The following GRM7 variants were observed in gnomAD, a reference collection of about 807,000 sequenced individuals.
GRM7 encodes metabotropic glutamate receptor 7.
Under a neutral mutation model 84.5 loss-of-function variants are expected in GRM7, and 35 were observed. The ratio of observed to expected loss-of-function variants is 0.41; its 90% CI spans 0.32 to 0.55. The LOEUF is 0.55. GRM7 is among the 20% of genes least tolerant of loss of function. The pLI is 0.19. For missense variants in GRM7, 1,003 were observed against 1,194.6 expected (o/e 0.84, Z 2.36); for synonymous variants, 487 against 455.1 (o/e 1.07, Z -0.89).
intron 7 of GRM7, chr3:7,535,239 G>A (rs1478072779): frequency 2.6e-5 from 4 of 151,634 alleles, no homozygotes; most frequent in African/African-American, 9.7e-5. Context: ...CTGACTTACA[G>A]GACCCACCTG....
chr3:7,600,125 A>C (rs1023527724), intron 8 of GRM7, among the ~76,000 whole-genome samples: 4 of 152,116 alleles, frequency 2.6e-5, no homozygotes, highest in Non-Finnish European at 5.9e-5. Context: ...AAATTGTTCA[A>C]AAGGCACACA....
chr3:7,134,640 G>A (rs1693715464), intron 1 of GRM7, among the ~76,000 whole-genome samples: 1 of 152,140 alleles, frequency 6.6e-6, no homozygotes, highest in Non-Finnish European at 1.5e-5. Flanking sequence ...ACTTGGACCA[G>A]CATCTGGATT....
intron 4 of GRM7, among the ~76,000 whole-genome samples, chr3:7,391,257 A>T (rs1694981663): frequency 6.6e-6 from 1 of 152,244 alleles, no homozygotes; most frequent in Non-Finnish European, 1.5e-5. Flanking sequence ...CTTAGGAGTA[A>T]GAGCTTGTTT....
At chr3:7,363,015 A>G (rs769823327) in intron 4 of GRM7, among the ~76,000 whole-genome samples, 1 of 152,056 alleles carries the variant, frequency 6.6e-6, no homozygotes, top group African/African-American at 2.4e-5. Flanking sequence ...CCAGCTATTC[A>G]GAAGGCTGAG....
intron 1 of GRM7, among the ~76,000 whole-genome samples, chr3:6,879,435 G>C (rs1695428358): frequency 6.6e-6 from 1 of 152,160 alleles, no homozygotes; most frequent in African/African-American, 2.4e-5. Context: ...TATTTTGAAA[G>C]ATATAACACA....
intron 1 of GRM7, among the ~76,000 whole-genome samples, chr3:6,963,173 C>T (rs964794884): frequency 2.6e-5 from 4 of 152,158 alleles, no homozygotes; most frequent in African/African-American, 9.7e-5. Context: ...GCTGCTTCAG[C>T]ATAAACACAA....
At chr3:7,523,884 T>C (rs781479384) in intron 7 of GRM7, among the ~76,000 whole-genome samples, 1 of 152,078 alleles carries the variant, frequency 6.6e-6, no homozygotes, top group Non-Finnish European at 1.5e-5. Flanking sequence ...TTATAAAATT[T>C]CAAGACTTTG....
intron 4 of GRM7, among the ~76,000 whole-genome samples, chr3:7,382,064 GC>G (rs1434231820): frequency 6.6e-6 from 1 of 152,014 alleles, no homozygotes; most frequent in Non-Finnish European, 1.5e-5. Context: ...AAAACCAACA[GC>G]CATTCATCAA....
chr3:6,872,854 A>G (rs1206557528), intron 1 of GRM7, among the ~76,000 whole-genome samples: 1 of 152,124 alleles, frequency 6.6e-6, no homozygotes, highest in Non-Finnish European at 1.5e-5. Context: ...TTCTTTATCC[A>G]GGCTATCATT....
intron 1 of GRM7, among the ~76,000 whole-genome samples, chr3:7,014,043 G>A (rs2124899889): frequency 6.6e-6 from 1 of 152,092 alleles, no homozygotes; most frequent in South Asian, 2.1e-4. Flanking sequence ...AGATTTTTTG[G>A]TGGGGGCAAG....
rs76469393 is a variant in GRM7, at chr3:7,294,469, G to A, written c.737-4215G>A. Among the ~76,000 whole-genome samples, 811 of 151,736 alleles carry A rather than the reference G, an allele frequency of 5.3e-3. 10 individuals carry two copies. Among genetic ancestry groups the A allele is most frequent in the African/African-American group, 0.019 (771 of 41,322 alleles). ...ATCGCCATTGCCCAGGGATATGTCT[G>A]TTGCTGGCTCTCTGTACCATTGTGA... On this transcript the variant is annotated intron_variant, in intron 2 of 9. Coordinates refer to ENST00000357716, the MANE Select transcript of GRM7 (RefSeq NM_000844.4).
chr3:7,636,782 G>T (rs950007410), intron 8 of GRM7, among the ~76,000 whole-genome samples: 4 of 152,100 alleles, frequency 2.6e-5, no homozygotes, highest in African/African-American at 7.2e-5. Context: ...AACTGATCAT[G>T]CCCAAAGCTC....
At chr3:7,274,488 A>G (rs988091502) in intron 2 of GRM7, among the ~76,000 whole-genome samples, 1 of 151,956 alleles carries the variant, frequency 6.6e-6, no homozygotes, top group East Asian at 1.9e-4. Flanking sequence ...GAAAGTCTTC[A>G]TTTGCCCTTC....
chr3:7,692,453 G>C (rs1013900901), intron 9 of GRM7, among the ~76,000 whole-genome samples: 5 of 152,128 alleles, frequency 3.3e-5, no homozygotes, highest in Admixed American at 6.5e-5. Context: ...ACTTCTCAGA[G>C]ATCTTCCTTG....
chr3:7,191,500 T>G (rs1335795246), intron 2 of GRM7, among the ~76,000 whole-genome samples: 1 of 151,988 alleles, frequency 6.6e-6, no homozygotes, highest in African/African-American at 2.4e-5. Flanking sequence ...TAGTAAAAAC[T>G]GGAAATAACC....
chr3:7,589,979 A>T (rs949345491), intron 8 of GRM7, among the ~76,000 whole-genome samples: 2 of 152,194 alleles, frequency 1.3e-5, no homozygotes, highest in African/African-American at 4.8e-5. Flanking sequence ...CCTGACTAGT[A>T]GATGTACTGA....
rs552210683 is a variant in GRM7, at chr3:7,474,995, C to A, written c.1515+13273C>A. Among the ~76,000 whole-genome samples the A allele has an allele frequency of 1.8e-4, 28 of 152,320 alleles. 2 individuals are homozygous for A. The South Asian group carries it at 4.6e-3, about 25-fold the overall frequency. ...TAGCCCCACATTTAAACACAGCTTT[C>A]TGGCCAATAGGTGTGGATTCCTTAC... On this transcript the variant is annotated intron_variant, in intron 7 of 9. Coordinates refer to ENST00000357716, the MANE Select transcript of GRM7 (RefSeq NM_000844.4).
intron 1 of GRM7, among the ~76,000 whole-genome samples, chr3:6,874,202 C>G (rs892189217): frequency 3.9e-5 from 6 of 152,194 alleles, no homozygotes; most frequent in African/African-American, 1.4e-4. Context: ...TGGCATATAG[C>G]AAGTGCTCAA....
At chr3:7,264,584 G>A (rs750523099) in intron 2 of GRM7, among the ~76,000 whole-genome samples, 23 of 152,104 alleles carry the variant, frequency 1.5e-4, no homozygotes, top group Non-Finnish European at 3.2e-4. Context: ...CTTCAGCCCA[G>A]CATCTGTGTC....
Sources: allele counts gnomAD v4.1 joint callset (sites outside exome capture counted in the v4.1 genomes callset), GRCh38; gene constraint gnomAD v4.1.1; transcripts MANE v1.5; gene names NCBI Gene and HGNC (gene_info 2026-07-23, HGNC 2026-07-21).